RAPGEF6: variants seen among roughly 807,000 people sequenced by gnomAD.
The protein encoded by RAPGEF6 is PDZ domain containing guanine nucleotide exchange factor (GEF) 2.
RAPGEF6 carries 56 observed loss-of-function variants against 171.4 expected under a neutral mutation model. The ratio of observed to expected loss-of-function variants is 0.33; its 90% CI spans 0.26 to 0.41. The LOEUF (loss-of-function observed/expected upper bound fraction) is 0.41. Among genes scored for constraint, RAPGEF6 ranks in the 10% least tolerant of loss-of-function variants. The pLI is 1.00. For synonymous variants in RAPGEF6, 692 were observed against 650.1 expected (o/e 1.06, Z -0.98); for missense variants, 1,674 against 1,921.4 (o/e 0.87, Z 2.41).
intron 7 of RAPGEF6, among the ~76,000 whole-genome samples, chr5:131,519,671 T>C (rs1007147075): frequency 1.3e-5 from 2 of 152,122 alleles, no homozygotes; most frequent in African/African-American, 4.8e-5. Context: ...CATCCTATAG[T>C]TTTTCAACAC....
At chr5:131,618,239 C>A (rs561523397) in intron 1 of RAPGEF6, among the ~76,000 whole-genome samples, 2 of 152,046 alleles carry the variant, frequency 1.3e-5, no homozygotes, top group South Asian at 4.2e-4. Flanking sequence ...AAAAAATAAT[C>A]CATTACTTCA....
At chr5:131,429,317 A>T in intron 26 of RAPGEF6, 101 bp from the exon 27 acceptor site, 1 of 1,020,542 alleles carries the variant, frequency 9.8e-7, no homozygotes. Flanking sequence ...ACAACTTAAA[A>T]ATAGACAAAA....
chr5:131,580,955 G>A (rs1762925340), intron 4 of RAPGEF6, among the ~76,000 whole-genome samples: 1 of 152,172 alleles, frequency 6.6e-6, no homozygotes, highest in Admixed American at 6.5e-5. Flanking sequence ...ACGACAAAAA[G>A]AGTCATCCCA....
intron 4 of RAPGEF6, among the ~76,000 whole-genome samples, chr5:131,570,137 C>A (rs1401597509): frequency 1.5e-5 from 2 of 135,334 alleles, no homozygotes; most frequent in Non-Finnish European, 3.1e-5. Context: ...AAAATAGATA[C>A]ATTCTTACAA....
intron 5 of RAPGEF6, among the ~76,000 whole-genome samples, chr5:131,549,371 C>A (rs1413892190): frequency 6.6e-6 from 1 of 152,082 alleles, no homozygotes; most frequent in African/African-American, 2.4e-5. Flanking sequence ...CACAGTGGTG[C>A]CCCCTTATCT....
In RAPGEF6 at chr5:131,585,141, CTAAA is replaced by C. The variant is rs766203055; in HGVS notation, c.281+7238_281+7241del. Among the ~76,000 whole-genome samples the C allele has an allele frequency of 3.7e-4, 57 of 152,136 alleles. No homozygotes were observed. The Middle Eastern group carries it at 0.01, about 27-fold the overall frequency. On this transcript the variant is annotated intron_variant, in intron 4 of 27. Transcript: ENST00000509018. ...TATTTGATTTACATAAAAGGTGGCA[CTAAA>C]TGAGTGAGAAAAGGACATCTAGGTA...
chr5:131,625,281 C>CAAAA (rs1765840358), intron 1 of RAPGEF6, among the ~76,000 whole-genome samples: 1 of 152,018 alleles, frequency 6.6e-6, no homozygotes, highest in African/African-American at 2.4e-5. Flanking sequence ...AACAAACAAA[C>CAAAA]AAAACAAATT....
chr5:131,480,020 C>T (rs1755363758), intron 15 of RAPGEF6, among the ~76,000 whole-genome samples: 1 of 151,946 alleles, frequency 6.6e-6, no homozygotes, highest in African/African-American at 2.4e-5. Flanking sequence ...AGTGGGCAGG[C>T]TGCAGGCAAG....
intron 4 of RAPGEF6, among the ~76,000 whole-genome samples, chr5:131,574,873 A>C (rs1762518168): frequency 6.6e-6 from 1 of 152,110 alleles, no homozygotes; most frequent in Non-Finnish European, 1.5e-5. Context: ...ATCCCACAAC[A>C]GGCTTTAAGA....
intron 4 of RAPGEF6, among the ~76,000 whole-genome samples, chr5:131,589,737 G>T (rs1321615966): frequency 1.3e-5 from 2 of 152,210 alleles, no homozygotes; most frequent in Non-Finnish European, 2.9e-5. Context: ...TAACACTGCA[G>T]TAAGAAAGTC....
intron 6 of RAPGEF6, among the ~76,000 whole-genome samples, chr5:131,540,970 G>T (rs1439210117): frequency 6.6e-6 from 1 of 152,192 alleles, no homozygotes; most frequent in Non-Finnish European, 1.5e-5. Flanking sequence ...GACAGTGCAA[G>T]ACTCCGTCTC....
intron 6 of RAPGEF6, among the ~76,000 whole-genome samples, chr5:131,545,137 T>C (rs1271079710): frequency 6.6e-6 from 1 of 152,074 alleles, no homozygotes; most frequent in Non-Finnish European, 1.5e-5. Context: ...TTATTCTACA[T>C]TAAAAAAAGT....
chr5:131,492,884 A>G, intron 13 of RAPGEF6, 99 bp from the exon 14 acceptor site: 2 of 1,174,192 alleles, frequency 1.7e-6, no homozygotes, highest in Non-Finnish European at 2.4e-6. Flanking sequence ...ATAAATATAC[A>G]TGTATAAGCT....
chr5:131,627,708 AT>A (rs1368399635), intron 1 of RAPGEF6, among the ~76,000 whole-genome samples: 1 of 152,132 alleles, frequency 6.6e-6, no homozygotes, highest in Non-Finnish European at 1.5e-5. Flanking sequence ...CTTGGCTGGT[AT>A]TGTGGGGTTG....
intron 3 of RAPGEF6, among the ~76,000 whole-genome samples, chr5:131,595,817 G>A (rs1027543843): frequency 4.1e-5 from 6 of 146,224 alleles, no homozygotes; most frequent in African/African-American, 7.7e-5. Context: ...TGTATGCTGC[G>A]TATAACAGAC....
intron 24 of RAPGEF6, chr5:131,435,617 C>A: frequency 5.3e-6 from 1 of 189,706 alleles, no homozygotes; most frequent in Admixed American, 5.7e-5. Flanking sequence ...ACAAGTTTCC[C>A]AGATGATTCT....
At chr5:131,511,440 T>C (rs926490942) in intron 7 of RAPGEF6, 1 of 151,834 alleles carries the variant, frequency 6.6e-6, no homozygotes, top group African/African-American at 2.4e-5. Flanking sequence ...AAGTATCTCA[T>C]GTTTTGAACA....
In RAPGEF6 at chr5:131,455,666, C is replaced by A. The variant is rs151331832; in HGVS notation, c.3076+135G>T. On this transcript the variant is annotated intron_variant, in intron 20 of 27. Coordinates refer to ENST00000509018, the MANE Select transcript of RAPGEF6 (RefSeq NM_016340.6). ...AATATGTATGGTATGACATCTAATT[C>A]AACACTAGAAAAATGGTAAAATAGT... 800 of 694,498 alleles carry A rather than the reference C, an allele frequency of 1.2e-3. 6 individuals carry two copies. In the African/African-American group the frequency reaches 0.013, roughly 11 times the overall value. The allele number at this position is 694,498 out of a possible 1,614,324, so 43.0% of individuals were successfully genotyped here.
At chr5:131,433,407 T>C (rs774270352) in intron 25 of RAPGEF6, 23 bp downstream of exon 25, 5 of 1,591,126 alleles carry the variant, frequency 3.1e-6, no homozygotes, top group Non-Finnish European at 3.5e-6. Context: ...TTTTGTGTTA[T>C]GAACACAGAC....
Sources: allele counts gnomAD v4.1 joint callset (sites outside exome capture counted in the v4.1 genomes callset), GRCh38; gene constraint gnomAD v4.1.1; transcripts MANE v1.5; gene names NCBI Gene and HGNC (gene_info 2026-07-23, HGNC 2026-07-21).